RFX4: variants seen among roughly 807,000 people sequenced by gnomAD.
The protein encoded by RFX4 is transcription factor RFX4.
A neutral mutation model predicts 95.0 loss-of-function variants in RFX4; 10 were observed. That is an observed-to-expected ratio of 0.11 (90% CI 0.06 to 0.18). The LOEUF is 0.18. RFX4 is among the 10% of genes least tolerant of loss of function. The pLI is 1.00. For missense variants in RFX4, 640 were observed against 922.0 expected (o/e 0.69, Z 3.96); for synonymous variants, 321 against 340.7 (o/e 0.94, Z 0.64).
rs747177859 is a variant in RFX4 at position 106,740,959 on chromosome 12, T to C, written c.1634-6478T>C. Among the ~76,000 whole-genome samples the C allele has an allele frequency of 2.0e-5, 3 of 152,130 alleles. 1 individual carries two copies. The highest frequency in any genetic ancestry group is 4.4e-5 in the Non-Finnish European group (3 of 68,022). On this transcript the variant is annotated intron_variant, in intron 15 of 17. Transcript: ENST00000392842. ...GCCTCAGGCAGCAAAGAGCTTGGCA[T>C]AGTGGGAACTGACAAATGTGTATAA...
chr12:106,761,624 C>T lies in RFX4; in HGVS notation c.*155C>T. 4.7e-6 allele frequency: 2 copies of T among 421,098 alleles called. No individual in the cohort carries two copies. Among genetic ancestry groups the T allele is most frequent in the Non-Finnish European group, 7.1e-6 (2 of 281,258 alleles). The allele number at this position is 421,098 out of a possible 1,614,324, so 26.1% of individuals were successfully genotyped here. On this transcript the variant is annotated 3_prime_UTR_variant, in exon 18 of 18. Transcript: ENST00000392842. ...TTCCTAATGAACATGAGGATGGGAT[C>T]AATGTGGGATGAATAAACTTTAGTT...
At chr12:106,726,342 G>A (rs2042497319) in intron 13 of RFX4, among the ~76,000 whole-genome samples, 1 of 151,954 alleles carries the variant, frequency 6.6e-6, no homozygotes, top group African/African-American at 2.4e-5. Context: ...AGCCTAGGAT[G>A]TCTGATCTCA....
intron 4 of RFX4, among the ~76,000 whole-genome samples, chr12:106,665,853 T>C (rs2041166150): frequency 6.6e-6 from 1 of 152,012 alleles, no homozygotes; most frequent in African/African-American, 2.4e-5. Context: ...TTAATTGATA[T>C]ACACATATAA....
chr12:106,687,867 C>T (rs947735472), intron 6 of RFX4, among the ~76,000 whole-genome samples: 2 of 152,138 alleles, frequency 1.3e-5, no homozygotes, highest in African/African-American at 4.8e-5. Flanking sequence ...GAGGAAAGAA[C>T]CTCTCCCCTC....
chr12:106,693,716 C>T (rs2041828102), intron 7 of RFX4, among the ~76,000 whole-genome samples: 1 of 152,168 alleles, frequency 6.6e-6, no homozygotes. Context: ...CCGGGTGTCT[C>T]AGTGACAGAA....
chr12:106,756,134 G>C (rs1593023134), intron 17 of RFX4, among the ~76,000 whole-genome samples: 2 of 152,286 alleles, frequency 1.3e-5, no homozygotes, highest in South Asian at 4.1e-4. Context: ...AGATGAATGA[G>C]GTTTCACAGC....
At chr12:106,721,920 A>AT (rs141896180) in intron 13 of RFX4, among the ~76,000 whole-genome samples, 5 of 152,052 alleles carry the variant, frequency 3.3e-5, no homozygotes, top group Non-Finnish European at 7.4e-5. Flanking sequence ...AGAAGGCACT[A>AT]TTTTTTCTAA....
intron 1 of RFX4, among the ~76,000 whole-genome samples, chr12:106,600,769 T>G (rs1191244770): frequency 6.6e-6 from 1 of 152,204 alleles, no homozygotes; most frequent in Non-Finnish European, 1.5e-5. Context: ...GCTGGCCTCC[T>G]GGCTCCTCCT....
At chr12:106,723,557 C>T (rs928694039) in intron 13 of RFX4, among the ~76,000 whole-genome samples, 20 of 152,302 alleles carry the variant, frequency 1.3e-4, no homozygotes, top group Middle Eastern at 3.4e-3. Context: ...AATTGCACAA[C>T]ACTTCCACAG....
intron 2 of RFX4, among the ~76,000 whole-genome samples, chr12:106,614,475 GC>G (rs1457487053): frequency 4.6e-5 from 6 of 131,146 alleles, no homozygotes; most frequent in African/African-American, 1.7e-4. Flanking sequence ...CACGTCTTTT[GC>G]CTGTGTGTGT....
chr12:106,667,093 C>T (rs1417291447), intron 4 of RFX4, among the ~76,000 whole-genome samples: 1 of 152,068 alleles, frequency 6.6e-6, no homozygotes, highest in Non-Finnish European at 1.5e-5. Flanking sequence ...TTTAGTAAGC[C>T]TATGCCTCTG....
At chr12:106,717,126 G>A (rs2042309871) in intron 11 of RFX4, among the ~76,000 whole-genome samples, 1 of 151,442 alleles carries the variant, frequency 6.6e-6, no homozygotes, top group Admixed American at 6.6e-5. Context: ...TCAACAGAAA[G>A]CATGGCCCTG....
intron 1 of RFX4, among the ~76,000 whole-genome samples, chr12:106,590,412 T>C (rs1011893736): frequency 1.3e-5 from 2 of 152,228 alleles, no homozygotes; most frequent in Admixed American, 6.5e-5. Context: ...AAACTGTTAT[T>C]ATTTACAGTT....
chr12:106,597,563 A>G (rs1021450007), intron 1 of RFX4, among the ~76,000 whole-genome samples: 5 of 152,140 alleles, frequency 3.3e-5, no homozygotes, highest in African/African-American at 2.4e-5. Context: ...TACTGATACT[A>G]CTCCGTTTTA....
chr12:106,623,688 G>C (rs1201767888), intron 2 of RFX4, among the ~76,000 whole-genome samples: 1 of 152,236 alleles, frequency 6.6e-6, no homozygotes, highest in Non-Finnish European at 1.5e-5. Flanking sequence ...AGCAGGCTGA[G>C]TTGGAAGGAA....
intron 1 of RFX4, chr12:106,583,566 T>C (rs1016735318): frequency 5.8e-5 from 27 of 462,546 alleles, no homozygotes; most frequent in Non-Finnish European, 9.3e-5. Flanking sequence ...AAGCGTGTGA[T>C]TGTGTACGTG....
At chr12:106,756,584 A>G (rs937487547) in intron 17 of RFX4, among the ~76,000 whole-genome samples, 1 of 152,022 alleles carries the variant, frequency 6.6e-6, no homozygotes, top group African/African-American at 2.4e-5. Context: ...AAATTAATCA[A>G]TGATAGTGTT....
intron 2 of RFX4, among the ~76,000 whole-genome samples, chr12:106,618,044 G>A (rs1280589546): frequency 6.6e-6 from 1 of 152,080 alleles, no homozygotes; most frequent in East Asian, 1.9e-4. Flanking sequence ...TATTTTAAAT[G>A]TCCCAACATA....
chr12:106,718,954 CAA>C (rs34996369), intron 11 of RFX4, among the ~76,000 whole-genome samples: 123 of 107,602 alleles, frequency 1.1e-3, no homozygotes, highest in Middle Eastern at 9.5e-3. Context: ...ACTAAAGATA[CAA>C]AAAAAAAAAA....
Sources: gnomAD v4.1 joint callset for allele counts (sites outside exome capture counted in the v4.1 genomes callset) on GRCh38, gnomAD v4.1.1 for gene constraint, MANE v1.5 for transcripts, NCBI Gene and HGNC (gene_info 2026-07-23, HGNC 2026-07-21) for gene names.